The following SMYD3 variants were observed in gnomAD, a reference collection of about 807,000 sequenced individuals.
SMYD3 encodes the protein histone-lysine N-methyltransferase SMYD3.
A neutral mutation model predicts 57.7 loss-of-function variants in SMYD3; 36 were observed. The observed-to-expected ratio is 0.62, with a 90% CI of 0.48 to 0.82. The LOEUF (loss-of-function observed/expected upper bound fraction) is 0.82. SMYD3 is among the 40% of genes least tolerant of loss of function. SMYD3 has a pLI of 0.00. For synonymous variants in SMYD3, 211 were observed against 195.0 expected (o/e 1.08, Z -0.68); for missense variants, 515 against 538.8 (o/e 0.96, Z 0.44).
At chr1:245,949,491 G>A (rs1242885698) in intron 5 of SMYD3, among the ~76,000 whole-genome samples, 5 of 152,102 alleles carry the variant, frequency 3.3e-5, no homozygotes, top group East Asian at 3.8e-4. Context: ...CTACACTACC[G>A]TGCGCACCCA....
intron 5 of SMYD3, among the ~76,000 whole-genome samples, chr1:246,209,575 A>C (rs2063055398): frequency 8.2e-6 from 1 of 122,088 alleles, no homozygotes; most frequent in Non-Finnish European, 1.6e-5. Flanking sequence ...TATTATCAGC[A>C]TTGGGGTAAA....
chr1:246,107,083 A>G (rs1468145903), intron 5 of SMYD3, among the ~76,000 whole-genome samples: 1 of 148,326 alleles, frequency 6.7e-6, no homozygotes, highest in Non-Finnish European at 1.5e-5. Flanking sequence ...GCGGATCACA[A>G]GGTCAGGAGA....
intron 10 of SMYD3, among the ~76,000 whole-genome samples, chr1:245,791,989 C>A (rs111460945): frequency 1.9e-5 from 2 of 104,552 alleles, no homozygotes; most frequent in Non-Finnish European, 4.0e-5. Context: ...TGTGTGTAAG[C>A]GGTATACGTA....
rs541282186 is a variant in SMYD3, at chr1:245,908,308, T to C, written c.813+7222A>G. 3.9e-5 allele frequency among the ~76,000 whole-genome samples: 6 copies of C among 152,272 alleles called. No homozygotes were observed. The South Asian group carries it at 1.0e-3, about 26-fold the overall frequency. ...TCAATTCAGCGATAGGATATAACCATTGTAAACATATATGCGCCCAAACTG... is the reference window on the plus strand; with the variant it reads ...TCAATTCAGCGATAGGATATAACCACTGTAAACATATATGCGCCCAAACTG... On this transcript the variant is annotated intron_variant, in intron 8 of 11. Coordinates refer to ENST00000490107, the MANE Select transcript of SMYD3 (RefSeq NM_001167740.2).
chr1:246,486,905 T>C (rs1465515312), intron 1 of SMYD3, among the ~76,000 whole-genome samples: 1 of 152,126 alleles, frequency 6.6e-6, no homozygotes, highest in African/African-American at 2.4e-5. Context: ...TAGAGGAGCA[T>C]AACACTGTTC....
intron 10 of SMYD3, among the ~76,000 whole-genome samples, chr1:245,801,462 G>A (rs1414710804): frequency 6.6e-6 from 1 of 152,148 alleles, no homozygotes; most frequent in Non-Finnish European, 1.5e-5. Flanking sequence ...TCAAGTCTAA[G>A]TCCATGATTT....
chr1:245,959,556 G>T (rs1199429760), intron 5 of SMYD3, among the ~76,000 whole-genome samples: 1 of 152,132 alleles, frequency 6.6e-6, no homozygotes, highest in African/African-American at 2.4e-5. Context: ...AGGGGGAGCT[G>T]ACCAACTAGA....
chr1:246,310,859 G>A (rs892168252), intron 5 of SMYD3, among the ~76,000 whole-genome samples: 4 of 151,764 alleles, frequency 2.6e-5, no homozygotes, highest in Non-Finnish European at 5.9e-5. Flanking sequence ...TAGTAGAGAC[G>A]GGGTTTCACC....
intron 1 of SMYD3, among the ~76,000 whole-genome samples, chr1:246,482,798 G>A (rs1365834777): frequency 6.6e-6 from 1 of 152,160 alleles, no homozygotes; most frequent in East Asian, 1.9e-4. Context: ...GGGAAATCAA[G>A]GCCATATACT....
chr1:246,010,365 T>G (rs1468546026), intron 5 of SMYD3, among the ~76,000 whole-genome samples: 1 of 152,160 alleles, frequency 6.6e-6, no homozygotes, highest in African/African-American at 2.4e-5. Flanking sequence ...GAGATGAAGC[T>G]TCTCCATGCA....
chr1:246,061,541 G>C (rs2060251879), intron 5 of SMYD3, among the ~76,000 whole-genome samples: 1 of 151,188 alleles, frequency 6.6e-6, no homozygotes, highest in South Asian at 2.1e-4. Flanking sequence ...AACACAGCAA[G>C]ACGCCATCTC....
chr1:246,454,946 T>C (rs1363155950), intron 1 of SMYD3, among the ~76,000 whole-genome samples: 1 of 152,196 alleles, frequency 6.6e-6, no homozygotes, highest in Non-Finnish European at 1.5e-5. Context: ...GTTAAATCAA[T>C]GTCCTCCCAT....
At chr1:245,903,043 C>T (rs751918050) in intron 8 of SMYD3, among the ~76,000 whole-genome samples, 17 of 151,988 alleles carry the variant, frequency 1.1e-4, no homozygotes, top group Non-Finnish European at 2.1e-4. Flanking sequence ...AAATAATGAC[C>T]TCAAGGAAAC....
chr1:246,311,321 T>C (rs1399712707), intron 5 of SMYD3, among the ~76,000 whole-genome samples: 1 of 152,214 alleles, frequency 6.6e-6, no homozygotes, highest in Admixed American at 6.5e-5. Flanking sequence ...ATCTTACTGA[T>C]ACAAGGAAAA....
intron 5 of SMYD3, among the ~76,000 whole-genome samples, chr1:246,047,393 T>A (rs2148314285): frequency 6.6e-6 from 1 of 152,344 alleles, no homozygotes; most frequent in South Asian, 2.1e-4. Context: ...CAATTGTGAC[T>A]TTTCAATTGA....
intron 10 of SMYD3, among the ~76,000 whole-genome samples, chr1:245,837,498 T>C (rs4654130): frequency 0.98 from 148,643 of 152,172 alleles, 72,695 homozygotes; most frequent in East Asian, 1. Flanking sequence ...GGTGATTCTC[T>C]GTCCTGCAGT....
intron 1 of SMYD3, among the ~76,000 whole-genome samples, chr1:246,359,156 A>G (rs2065952284): frequency 6.6e-6 from 1 of 152,216 alleles, no homozygotes; most frequent in Admixed American, 6.5e-5. Context: ...CAGAAATACA[A>G]AAGTTTATTC....
At chr1:246,064,640 G>C (rs1272457052) in intron 5 of SMYD3, among the ~76,000 whole-genome samples, 1 of 152,194 alleles carries the variant, frequency 6.6e-6, no homozygotes, top group African/African-American at 2.4e-5. Flanking sequence ...TGTCCTTAAA[G>C]GTGGGACTGC....
rs1224089699 is a variant in SMYD3 at position 246,503,497 on chromosome 1, A to C, written c.164+3557T>G. On this transcript the variant is annotated intron_variant, in intron 1 of 11. Coordinates refer to ENST00000490107, the MANE Select transcript of SMYD3 (RefSeq NM_001167740.2). ...TGGGGATATAAAAAAGATTAGACTTAGAGCACTACACTAGGGAGTGAGAAG... is the reference window on the plus strand; with the variant it reads ...TGGGGATATAAAAAAGATTAGACTTCGAGCACTACACTAGGGAGTGAGAAG... Among the ~76,000 whole-genome samples the C allele has an allele frequency of 1.2e-4, 18 of 152,370 alleles. No homozygotes were observed. The East Asian group carries it at 3.5e-3, about 29-fold the overall frequency.
Sources: allele counts gnomAD v4.1 joint callset (sites outside exome capture counted in the v4.1 genomes callset), GRCh38; gene constraint gnomAD v4.1.1; transcripts MANE v1.5; gene names NCBI Gene and HGNC (gene_info 2026-07-23, HGNC 2026-07-21).